Variants in PPP2R5E observed in about 807,000 individuals in gnomAD.
PPP2R5E encodes the protein serine/threonine-protein phosphatase 2A 56 kDa regulatory subunit epsilon isoform.
Under a neutral mutation model 65.3 loss-of-function variants are expected in PPP2R5E, and 4 were observed. The observed-to-expected ratio is 0.06, with a 90% confidence interval of 0.03 to 0.14. The LOEUF (loss-of-function observed/expected upper bound fraction) is 0.14. PPP2R5E is among the 10% of genes least tolerant of loss of function. The pLI, the probability that PPP2R5E is intolerant of heterozygous loss-of-function variation, is 1.00. For missense variants in PPP2R5E, 274 were observed against 556.1 expected (o/e 0.49, Z 5.10); for synonymous variants, 183 against 187.4 (o/e 0.98, Z 0.19).
chr14:63,373,845 T>C lies in PPP2R5E; in HGVS notation c.*2164A>G, dbSNP rs1419763796. On this transcript the variant is annotated 3_prime_UTR_variant, in exon 14 of 14. Transcript: ENST00000337537. ...TTTACACTATATAAACTAAATATAA[T>C]GCAGAGTTGAAACTAAAGGGCTAAA... 1 of 152,148 alleles carries C rather than the reference T, an allele frequency of 6.6e-6. No homozygotes were observed. The highest frequency in any genetic ancestry group is 1.5e-5 in the Non-Finnish European group (1 of 68,030). The allele number at this position is 152,148 out of a possible 1,614,324, so 9.4% of individuals were successfully genotyped here. A position where few individuals can be genotyped will look rare whatever the true frequency, so the allele number is the denominator to read the frequency against.
chr14:63,516,386 C>T (rs867005784), intron 2 of PPP2R5E, among the ~76,000 whole-genome samples: 10 of 152,106 alleles, frequency 6.6e-5, no homozygotes, highest in African/African-American at 2.2e-4. Context: ...AAATTGCATG[C>T]GTGCAACAAA....
chr14:63,507,249 G>T (rs1341120095), intron 2 of PPP2R5E, among the ~76,000 whole-genome samples: 2 of 152,204 alleles, frequency 1.3e-5, no homozygotes, highest in Admixed American at 6.5e-5. Flanking sequence ...GGGCCTTAAA[G>T]GCCTAGAAGC....
chr14:63,476,455 T>C (rs1890415628), intron 2 of PPP2R5E, among the ~76,000 whole-genome samples: 1 of 152,162 alleles, frequency 6.6e-6, no homozygotes, highest in African/African-American at 2.4e-5. Flanking sequence ...TTCAAGTACA[T>C]ATCTTATAGG....
chr14:63,416,001 G>A (rs568808848), intron 4 of PPP2R5E, among the ~76,000 whole-genome samples: 60 of 152,258 alleles, frequency 3.9e-4, no homozygotes, highest in African/African-American at 8.4e-4. Flanking sequence ...TCTACTCATC[G>A]GATCATAAGA....
intron 2 of PPP2R5E, among the ~76,000 whole-genome samples, chr14:63,522,722 G>A (rs1251466542): frequency 4.6e-5 from 7 of 150,916 alleles, no homozygotes; most frequent in African/African-American, 1.7e-4. Flanking sequence ...CGCCCCGTCT[G>A]AGAAGTGAGG....
chr14:63,446,296 A>T (rs1345335914), intron 3 of PPP2R5E, among the ~76,000 whole-genome samples: 4 of 151,878 alleles, frequency 2.6e-5, no homozygotes, highest in African/African-American at 9.7e-5. Flanking sequence ...CCCCTTCCAA[A>T]CTCCTGTTAA....
At chr14:63,540,071 G>C (rs1004635009) in intron 1 of PPP2R5E, among the ~76,000 whole-genome samples, 1 of 151,000 alleles carries the variant, frequency 6.6e-6, no homozygotes, top group Non-Finnish European at 1.5e-5. Context: ...GTTGCAGTGG[G>C]CCAGGATCCC....
chr14:63,482,791 A>G (rs973953174), intron 2 of PPP2R5E, among the ~76,000 whole-genome samples: 1 of 152,222 alleles, frequency 6.6e-6, no homozygotes, highest in African/African-American at 2.4e-5. Context: ...CTAACAGAAT[A>G]ACCTGTTCAT....
intron 2 of PPP2R5E, among the ~76,000 whole-genome samples, chr14:63,507,801 A>G (rs1176247581): frequency 6.6e-6 from 1 of 152,016 alleles, no homozygotes; most frequent in Non-Finnish European, 1.5e-5. Flanking sequence ...GATGGTCTCC[A>G]TCTCCTGACC....
Position 63,374,019 on chromosome 14 carries a change from A to C in PPP2R5E, c.*1990T>G, listed in dbSNP as rs1041343004. ...CAATGTTCTTTAAAAAAAAAAAAAAAAAAACTATTAATTCCATTAAACCAT... is the reference window on the plus strand; with the variant it reads ...CAATGTTCTTTAAAAAAAAAAAAAACAAAACTATTAATTCCATTAAACCAT... On this transcript the variant is annotated 3_prime_UTR_variant, in exon 14 of 14. Coordinates refer to ENST00000337537, the MANE Select transcript of PPP2R5E (RefSeq NM_006246.5). 1.1e-4 allele frequency: 17 copies of C among 151,452 alleles called. No individual in the cohort carries two copies. Among genetic ancestry groups the C allele is most frequent in the South Asian group, 4.1e-4 (2 of 4,832 alleles). The allele number at this position is 151,452 out of a possible 1,614,324, so 9.4% of individuals were successfully genotyped here.
chr14:63,373,711 C>A lies in PPP2R5E; in HGVS notation c.*2298G>T, dbSNP rs952225296. The A allele has an allele frequency of 1.3e-5, 2 of 152,162 alleles. No homozygotes were observed. The highest frequency in any genetic ancestry group is 4.8e-5 in the African/African-American group (2 of 41,436). 9.4% of individuals were successfully genotyped at this position (152,162 alleles called of 1,614,324 possible). A position where few individuals can be genotyped will look rare whatever the true frequency, so the allele number is the denominator to read the frequency against. On this transcript the variant is annotated 3_prime_UTR_variant, in exon 14 of 14. Transcript: ENST00000337537. ...GGTAAGGTACAAAAAAGGATCCTGG[C>A]CTTTCTCATTTCAAATGACTGCATT...
intron 2 of PPP2R5E, among the ~76,000 whole-genome samples, chr14:63,510,193 C>T (rs554789537): frequency 3.9e-5 from 6 of 152,238 alleles, no homozygotes; most frequent in East Asian, 1.9e-4. Flanking sequence ...TGAGCATCAA[C>T]GAATAGGAGA....
At chr14:63,503,364 T>C (rs934647904) in intron 2 of PPP2R5E, among the ~76,000 whole-genome samples, 17 of 152,104 alleles carry the variant, frequency 1.1e-4, no homozygotes, top group Admixed American at 1.1e-3. Flanking sequence ...GGAACAGGCC[T>C]CTATGTAGAG....
chr14:63,390,260 A>T (rs1884935112), intron 10 of PPP2R5E, among the ~76,000 whole-genome samples: 1 of 151,262 alleles, frequency 6.6e-6, no homozygotes, highest in African/African-American at 2.4e-5. Context: ...TGCAGGTGCC[A>T]CTTCAAACCC....
intron 3 of PPP2R5E, among the ~76,000 whole-genome samples, chr14:63,438,990 A>T (rs983252978): frequency 6.8e-6 from 1 of 147,778 alleles, no homozygotes; most frequent in Non-Finnish European, 1.5e-5. Flanking sequence ...CAGTTCTCCC[A>T]AAAAAAAAAG....
chr14:63,542,039 TA>T (rs1893923426), intron 1 of PPP2R5E, among the ~76,000 whole-genome samples: 1 of 152,376 alleles, frequency 6.6e-6, no homozygotes, highest in African/African-American at 2.4e-5. Context: ...GACTTCACTC[TA>T]ACTCTAACAC....
intron 2 of PPP2R5E, among the ~76,000 whole-genome samples, chr14:63,485,234 G>A (rs976876010): frequency 1.3e-5 from 2 of 148,420 alleles, no homozygotes; most frequent in African/African-American, 5.0e-5. Context: ...GCAACAATAT[G>A]AATTAAGATA....
chr14:63,522,773 A>G (rs529634424), intron 2 of PPP2R5E, among the ~76,000 whole-genome samples: 5 of 146,134 alleles, frequency 3.4e-5, no homozygotes, highest in Non-Finnish European at 7.5e-5. Flanking sequence ...AGAAGTGAGG[A>G]GCGTCACCGC....
rs1213443869 is a variant in PPP2R5E, at chr14:63,375,998, C to T, written c.*11G>A. On this transcript the variant is annotated 3_prime_UTR_variant, in exon 14 of 14. Transcript: ENST00000337537. ...CTCCACAGGTTAGTAATGTTGTTGT[C>T]ATTGTTTTTGTTAAGTTGGAATTAT... 14 of 1,548,826 alleles carry T rather than the reference C, an allele frequency of 9.0e-6. No individual in the cohort carries two copies. The highest frequency in any genetic ancestry group is 2.7e-5 in the African/African-American group (2 of 73,390).
Sources: gnomAD v4.1 joint callset for allele counts (sites outside exome capture counted in the v4.1 genomes callset) on GRCh38, gnomAD v4.1.1 for gene constraint, MANE v1.5 for transcripts, NCBI Gene and HGNC (gene_info 2026-07-23, HGNC 2026-07-21) for gene names.